SCNN1D: variants seen among roughly 807,000 people sequenced by gnomAD.
SCNN1D encodes sodium channel epithelial 1 subunit delta.
In SCNN1D, 104 loss-of-function variants were observed where a neutral mutation model predicts 87.8. That is an observed-to-expected ratio of 1.18 (90% CI 1.01 to 1.39). The LOEUF is 1.39. SCNN1D is among the 40% of genes most tolerant of loss of function. The pLI, the probability that SCNN1D is intolerant of heterozygous loss-of-function variation, is 0.00. For missense variants in SCNN1D, 1,324 were observed against 1,093.9 expected, an observed-to-expected ratio of 1.21 and a Z score of -2.97; for synonymous variants, 628 against 481.2, an observed-to-expected ratio of 1.31 and a Z score of -3.99.
At position 1,280,527 on chromosome 1, in the gene SCNN1D, TGCAGATGAAGGTCTTATC is replaced by T. The variant is rs1640449086; in HGVS notation, c.-124_-107del. On this transcript the variant is annotated 5_prime_UTR_variant, in exon 1 of 18. An upstream start codon of the reference 5' UTR is lost. Coordinates refer to ENST00000379116, the MANE Select transcript of SCNN1D (RefSeq NM_001130413.4). Reference sequence around the variant, plus strand: ...AATGTCTGGTTACAGTATGGCGTTGTGCAGATGAAGGTCTTATCGCAGATGAAGCCACCAGGTCACAAG... The same window carrying T: ...AATGTCTGGTTACAGTATGGCGTTGTGCAGATGAAGCCACCAGGTCACAAG... 4.7e-6 allele frequency: 3 copies of T among 638,258 alleles called. No homozygotes were observed. Among genetic ancestry groups the T allele is most frequent in the Non-Finnish European group, 8.7e-6 (3 of 344,756 alleles). 39.5% of individuals were successfully genotyped at this position (638,258 alleles called of 1,614,324 possible).
At position 1,287,018 on chromosome 1, in the gene SCNN1D, C is replaced by A. The variant is rs1557582489; in HGVS notation, c.1119+43C>A. 3 of 1,595,912 alleles carry A rather than the reference C, an allele frequency of 1.9e-6. No individual in the cohort carries two copies. The East Asian group carries it at 6.7e-5, about 36-fold the overall frequency. ...GGCCTGCAGCCATCAGGGCCTTGAG[C>A]TGGGAGCACGGCCCTGCGCTGCTGG... On this transcript the variant is annotated intron_variant, in intron 8 of 17. Coordinates refer to ENST00000379116, the MANE Select transcript of SCNN1D (RefSeq NM_001130413.4).
chr1:1,291,481 C>T lies in SCNN1D; in HGVS notation c.2280C>T (p.Gly760=), dbSNP rs370279585. The T allele has an allele frequency of 1.4e-5, 22 of 1,609,124 alleles. No individual in the cohort carries two copies. In the African/African-American group the frequency reaches 1.5e-4, roughly 11 times the overall value. ...PEASQMPPPA[G]GTSDDPEPSG... is the part of the protein sequence containing the mutation. Reference sequence around the variant, plus strand: ...CCAGTCAGATGCCCCCGCCTGCAGGCGGCACGTCAGATGACCCGGAGCCCA... The same window carrying T: ...CCAGTCAGATGCCCCCGCCTGCAGGTGGCACGTCAGATGACCCGGAGCCCA... The change falls in exon 18 of 18, where the codon GGC becomes GGT. Residue 760 remains glycine (G), a synonymous_variant. Coordinates refer to ENST00000379116, the MANE Select transcript of SCNN1D (RefSeq NM_001130413.4).
At position 1,280,537 on chromosome 1, in the gene SCNN1D, G is replaced by A. The variant is rs1640449279; in HGVS notation, c.-125G>A. The A allele has an allele frequency of 1.5e-6, 1 of 650,776 alleles. No individual in the cohort carries two copies. Among genetic ancestry groups the A allele is most frequent in the Non-Finnish European group, 2.9e-6 (1 of 350,588 alleles). The allele number at this position is 650,776 out of a possible 1,614,324, so 40.3% of individuals were successfully genotyped here. The stretch of plus-strand genomic sequence containing the variant: ...TACAGTATGGCGTTGTGCAGATGAA[G>A]GTCTTATCGCAGATGAAGCCACCAG... On this transcript the variant is annotated 5_prime_UTR_variant, in exon 1 of 18. Coordinates refer to ENST00000379116, the MANE Select transcript of SCNN1D (RefSeq NM_001130413.4).
Position 1,290,561 on chromosome 1 carries a change from A to C in SCNN1D, c.1859+6A>C, listed in dbSNP as rs1640772229. ...CGCTGCCCCAGGCCCTGCAGGTGAG[A>C]CGGGGGTGTTGGGGTCGCGGCCAGG... On this transcript the variant is annotated splice_donor_region_variant and intron_variant, in intron 14 of 17. Coordinates refer to ENST00000379116, the MANE Select transcript of SCNN1D (RefSeq NM_001130413.4). The C allele has an allele frequency of 6.2e-7, 1 of 1,612,458 alleles. No individual in the cohort carries two copies. The highest frequency in any genetic ancestry group is 8.5e-7 in the Non-Finnish European group (1 of 1,179,856).
intron 4 of SCNN1D, among the ~76,000 whole-genome samples, chr1:1,283,678 A>C (rs1343440212): frequency 6.6e-6 from 1 of 152,044 alleles, no homozygotes; most frequent in Non-Finnish European, 1.5e-5. Context: ...AACCTGGGCA[A>C]CAAGAGTGAG....
At position 1,281,447 on chromosome 1, in the gene SCNN1D, C is replaced by A; in HGVS notation, c.114C>A (p.Pro38=). The A allele has an allele frequency of 1.3e-6, 2 of 1,519,832 alleles. No homozygotes were observed. The highest frequency in any genetic ancestry group is 1.2e-5 in the South Asian group (1 of 81,250). The allele number at this position is 1,519,832 out of a possible 1,614,324, so 94.1% of individuals were successfully genotyped here. ...CATGGTGCAGTGACCACAGGACCCC[C>A]ACATGCCGGGAGCTGGGTTCGCCCC... ...TWSWCSDHRT[P]TCRELGSPHP... Residue 38 remains proline, a synonymous_variant, in exon 3 of 18, where the codon CCC becomes CCA. Transcript: ENST00000379116.
At chr1:1,284,494 G>A (rs944775597) in intron 5 of SCNN1D, among the ~76,000 whole-genome samples, 22 of 151,772 alleles carry the variant, frequency 1.4e-4, no homozygotes, top group East Asian at 3.9e-4. Flanking sequence ...GTCCCATTGC[G>A]GGTACATAGT....
In SCNN1D at chr1:1,291,635, T is replaced by G. The variant is rs775735630; in HGVS notation, c.*25T>G. ...AACCAGACCTGCCAGGGCTGTGCGA[T>G]CTCTTGGCCTGGTCCTTGCAGCTGT... is the stretch of plus-strand genomic sequence containing the variant. On this transcript the variant is annotated 3_prime_UTR_variant, in exon 18 of 18. Coordinates refer to ENST00000379116, the MANE Select transcript of SCNN1D (RefSeq NM_001130413.4). 4.1e-6 allele frequency: 6 copies of G among 1,469,754 alleles called. No individual in the cohort carries two copies. Among genetic ancestry groups the G allele is most frequent in the Non-Finnish European group, 5.5e-6 (6 of 1,098,930 alleles). The allele number at this position is 1,469,754 out of a possible 1,614,324, so 91.0% of individuals were successfully genotyped here.
In SCNN1D at chr1:1,287,592, C is replaced by G. The variant is rs759129547; in HGVS notation, c.1395C>G (p.Thr465=). The G allele has an allele frequency of 6.2e-7, 1 of 1,601,452 alleles. No homozygotes were observed. The highest frequency in any genetic ancestry group is 8.5e-7 in the Non-Finnish European group (1 of 1,172,790). Residue 465 remains threonine (T), a synonymous_variant, in exon 10 of 18, where the codon ACC becomes ACG. Transcript: ENST00000379116. ...GGACAGCTCAGCGCCCCGGCATCAC[C>G]CACGGTGGGTGCCAGCCCCTGGCCG... The part of the protein sequence containing the change: ...GVWTAQRPGI[T]HGVGLVLRVE...
Position 1,286,029 on chromosome 1 carries a change from G to A in SCNN1D, c.662G>A (p.Arg221Gln), listed in dbSNP as rs146233203. ...EGLVELPASF[R>Q]ELLTFFCTNA... is the part of the protein sequence containing the mutation. Reference sequence around the variant, plus strand: ...CTGGTGGAGCTGCCCGCCTCGTTCCGGGAGCTGCTCACCTTCTTCTGCACC... The same window carrying A: ...CTGGTGGAGCTGCCCGCCTCGTTCCAGGAGCTGCTCACCTTCTTCTGCACC... The change falls in exon 7 of 18, where the codon CGG (arginine) becomes CAG (glutamine). Residue 221 changes from arginine (R) to glutamine (Q), a missense_variant. Arg to Gln is a conservative substitution (Grantham distance 43). Coordinates refer to ENST00000379116, the MANE Select transcript of SCNN1D (RefSeq NM_001130413.4). 1,087 of 1,570,256 alleles carry A rather than the reference G, an allele frequency of 6.9e-4. 12 individuals carry two copies. Among genetic ancestry groups the A allele is most frequent in the East Asian group, 3.1e-4 (13 of 42,432 alleles).
intron 3 of SCNN1D, 142 bp from the exon 4 acceptor site, chr1:1,282,100 G>T: frequency 1.6e-6 from 1 of 638,712 alleles, no homozygotes; most frequent in Non-Finnish European, 2.9e-6. Context: ...TGACCTGTGG[G>T]GTCTCTGTGA....
chr1:1,291,040 C>T (rs2100353798), intron 16 of SCNN1D, 25 bp from the exon 17 acceptor site: 2 of 1,609,012 alleles, frequency 1.2e-6, no homozygotes, highest in Non-Finnish European at 1.7e-6. Flanking sequence ...TGGGCCAGCG[C>T]CCTCATGCCT....
Position 1,286,060 on chromosome 1 carries a change from C to A in SCNN1D, c.693C>A (p.Ala231=). 6.3e-7 allele frequency: 1 copy of A among 1,593,424 alleles called. No individual in the cohort carries two copies. Among genetic ancestry groups the A allele is most frequent in the South Asian group, 1.1e-5 (1 of 88,350 alleles). Residue 231 remains alanine, a synonymous_variant, in exon 7 of 18, where the codon GCC becomes GCA. Coordinates refer to ENST00000379116, the MANE Select transcript of SCNN1D (RefSeq NM_001130413.4). ...TGCTCACCTTCTTCTGCACCAATGC[C>A]ACCATCCACGGCGCCATCCGCCTGG... The part of the protein sequence containing the change: ...RELLTFFCTN[A]TIHGAIRLVC...
At chr1:1,284,834 C>A (rs769632434) in intron 5 of SCNN1D, among the ~76,000 whole-genome samples, 2 of 152,106 alleles carry the variant, frequency 1.3e-5, no homozygotes, top group Non-Finnish European at 1.5e-5. Flanking sequence ...GGGTCCGGCT[C>A]CTCTCTGACC....
At position 1,283,935 on chromosome 1, in the gene SCNN1D, G is replaced by A. The variant is rs761921265; in HGVS notation, c.352-43G>A. The A allele has an allele frequency of 9.1e-5, 112 of 1,231,130 alleles. No homozygotes were observed. The East Asian group carries it at 2.4e-3, about 26-fold the overall frequency. 76.3% of individuals were successfully genotyped at this position (1,231,130 alleles called of 1,614,324 possible). ...GGCTGCCCTGGCTGGGTCCTCCCTCGCCTGCAGCACAGTCCCACGCCCAGC... is the reference window on the plus strand; with the variant it reads ...GGCTGCCCTGGCTGGGTCCTCCCTCACCTGCAGCACAGTCCCACGCCCAGC... On this transcript the variant is annotated intron_variant, in intron 4 of 17. Coordinates refer to ENST00000379116, the MANE Select transcript of SCNN1D (RefSeq NM_001130413.4).
Position 1,290,122 on chromosome 1 carries a change from TCC to T in SCNN1D, c.1663-148_1663-147del. ...TCTCTGCTCCGTCCCGTGTCTCTGCTCCGTCCCCCGTGTCTCTGCTCCGTCCC... is the reference window on the plus strand; with the variant it reads ...TCTCTGCTCCGTCCCGTGTCTCTGCTGTCCCCCGTGTCTCTGCTCCGTCCC... On this transcript the variant is annotated intron_variant, in intron 12 of 17. Coordinates refer to ENST00000379116, the MANE Select transcript of SCNN1D (RefSeq NM_001130413.4). 3 of 323,668 alleles carry T rather than the reference TCC, an allele frequency of 9.3e-6. 1 individual carries two copies. The African/African-American group carries it at 1.4e-4, about 15-fold the overall frequency. 20.0% of individuals were successfully genotyped at this position (323,668 alleles called of 1,614,324 possible).
chr1:1,291,052 T>C lies in SCNN1D; in HGVS notation c.1977-13T>C. 1 of 1,609,622 alleles carries C rather than the reference T, an allele frequency of 6.2e-7. No individual in the cohort carries two copies. The highest frequency in any genetic ancestry group is 1.1e-5 in the South Asian group (1 of 90,736). ...GTCTGGGCCAGCGCCCTCATGCCTC[T>C]ATCCTGCCCCAGGAGCAGCCTGGCC... On this transcript the variant is annotated splice_polypyrimidine_tract_variant and intron_variant, in intron 16 of 17. Transcript: ENST00000379116.
chr1:1,287,305 T>G lies in SCNN1D; in HGVS notation c.1310+6T>G, dbSNP rs1337120051. 6.3e-7 allele frequency: 1 copy of G among 1,574,970 alleles called. No homozygotes were observed. The highest frequency in any genetic ancestry group is 1.2e-5 in the South Asian group (1 of 86,954). ...GGCCTGGACTGCCAGGCCCGGTGAG[T>G]GTGGCGGGCGGGGGCCACTCCTTCC... On this transcript the variant is annotated splice_donor_region_variant and intron_variant, in intron 9 of 17. Coordinates refer to ENST00000379116, the MANE Select transcript of SCNN1D (RefSeq NM_001130413.4).
intron 4 of SCNN1D, among the ~76,000 whole-genome samples, chr1:1,283,574 C>G (rs772337481): frequency 6.6e-6 from 1 of 152,078 alleles, no homozygotes; most frequent in African/African-American, 2.4e-5. Flanking sequence ...GGCAGGTGCC[C>G]GTAATCCCAG....
Sources: allele counts gnomAD v4.1 joint callset (sites outside exome capture counted in the v4.1 genomes callset), GRCh38; gene constraint gnomAD v4.1.1; transcripts MANE v1.5; gene names NCBI Gene and HGNC (gene_info 2026-07-23, HGNC 2026-07-21).